The following ATRNL1 variants were observed in gnomAD, a reference collection of about 807,000 sequenced individuals.
ATRNL1 encodes the protein attractin-like protein 1.
Under a neutral mutation model 182.7 loss-of-function variants are expected in ATRNL1, and 95 were observed. The observed-to-expected ratio is 0.52, with a 90% CI of 0.44 to 0.62. ATRNL1 has a LOEUF of 0.62. ATRNL1 is among the 20% of genes least tolerant of loss of function. The pLI is 0.00. For missense variants in ATRNL1, 1,471 were observed against 1,679.5 expected, an observed-to-expected ratio of 0.88 and a Z score of 2.17; for synonymous variants, 576 against 568.3, an observed-to-expected ratio of 1.01 and a Z score of -0.19.
At chr10:115,873,632 C>A in intron 28 of ATRNL1, among the ~76,000 whole-genome samples, 1 of 152,102 alleles carries the variant, frequency 6.6e-6, no homozygotes, top group East Asian at 1.9e-4. Flanking sequence ...ACCCTTTGGG[C>A]CAGAAGGAGA....
rs183434185 is a variant in ATRNL1, at chr10:115,541,010, T to G, written c.3717-8448T>G. Among the ~76,000 whole-genome samples the G allele has an allele frequency of 2.5e-3, 375 of 152,284 alleles. 2 individuals carry two copies. The highest frequency in any genetic ancestry group is 1.9e-3 in the Non-Finnish European group (127 of 68,032). On this transcript the variant is annotated intron_variant, in intron 25 of 28. Coordinates refer to ENST00000355044, the MANE Select transcript of ATRNL1 (RefSeq NM_207303.4). ...AATGTAGGAATTATTCTTCATAACATTAGAATATAGAATGGATTCTTAAAG... is the reference window on the plus strand; with the variant it reads ...AATGTAGGAATTATTCTTCATAACAGTAGAATATAGAATGGATTCTTAAAG...
chr10:115,609,679 A>G (rs1469834940), intron 26 of ATRNL1, among the ~76,000 whole-genome samples: 1 of 152,056 alleles, frequency 6.6e-6, no homozygotes, highest in Non-Finnish European at 1.5e-5. Flanking sequence ...AGTACCTGAA[A>G]ATAGGGAAAT....
intron 28 of ATRNL1, among the ~76,000 whole-genome samples, chr10:115,867,018 T>G (rs2134405320): frequency 6.6e-6 from 1 of 152,336 alleles, no homozygotes; most frequent in Non-Finnish European, 1.5e-5. Flanking sequence ...GATAAAATGC[T>G]AATGAGAAAG....
At chr10:115,766,784 T>C (rs1189621802) in intron 27 of ATRNL1, among the ~76,000 whole-genome samples, 1 of 152,204 alleles carries the variant, frequency 6.6e-6, no homozygotes. Flanking sequence ...CTTCAGACTA[T>C]TATGCATTCA....
chr10:115,381,217 T>A (rs1294499020), intron 19 of ATRNL1, among the ~76,000 whole-genome samples: 1 of 152,052 alleles, frequency 6.6e-6, no homozygotes, highest in Non-Finnish European at 1.5e-5. Flanking sequence ...ATTCAGATAT[T>A]TTTCTGGACT....
At chr10:115,524,927 T>C (rs1851132452) in intron 25 of ATRNL1, among the ~76,000 whole-genome samples, 2 of 152,332 alleles carry the variant, frequency 1.3e-5, no homozygotes, top group African/African-American at 4.8e-5. Context: ...AGTCAAAATG[T>C]CTGCTTATTC....
chr10:115,495,391 T>C (rs2133608329), intron 24 of ATRNL1, among the ~76,000 whole-genome samples: 1 of 152,292 alleles, frequency 6.6e-6, no homozygotes, highest in African/African-American at 2.4e-5. Context: ...GTATATCTAG[T>C]TCCTCTAGGT....
chr10:115,791,539 G>T (rs1210901465), intron 27 of ATRNL1, among the ~76,000 whole-genome samples: 5 of 152,036 alleles, frequency 3.3e-5, no homozygotes, highest in African/African-American at 9.7e-5. Flanking sequence ...ATGTATATTT[G>T]TGAATAATAA....
intron 18 of ATRNL1, among the ~76,000 whole-genome samples, chr10:115,325,297 A>G (rs1054785395): frequency 1.3e-5 from 2 of 152,140 alleles, no homozygotes; most frequent in Admixed American, 1.3e-4. Context: ...TCAAGCAACA[A>G]TGTAAACCTC....
intron 8 of ATRNL1, among the ~76,000 whole-genome samples, chr10:115,193,949 C>T (rs1380631343): frequency 6.6e-6 from 1 of 151,860 alleles, no homozygotes; most frequent in Admixed American, 6.6e-5. Flanking sequence ...TGAATTTCTT[C>T]ATTGACCGAA....
At chr10:115,697,775 T>C (rs1334997340) in intron 26 of ATRNL1, among the ~76,000 whole-genome samples, 1 of 152,226 alleles carries the variant, frequency 6.6e-6, no homozygotes, top group Non-Finnish European at 1.5e-5. Context: ...CCTCTCTTAA[T>C]GCTATGAAAA....
intron 19 of ATRNL1, among the ~76,000 whole-genome samples, chr10:115,336,998 G>A (rs1376904381): frequency 2.7e-5 from 4 of 150,776 alleles, no homozygotes; most frequent in Non-Finnish European, 5.9e-5. Context: ...GGACTACAGG[G>A]GCCCGCCACC....
At chr10:115,806,864 C>G (rs1432516987) in intron 27 of ATRNL1, among the ~76,000 whole-genome samples, 1 of 152,016 alleles carries the variant, frequency 6.6e-6, no homozygotes, top group African/African-American at 2.4e-5. Context: ...ATGCATAGTA[C>G]CTGGTATATA....
chr10:115,724,981 A>T (rs1947548511), intron 26 of ATRNL1, among the ~76,000 whole-genome samples: 2 of 152,054 alleles, frequency 1.3e-5, no homozygotes, highest in Non-Finnish European at 2.9e-5. Context: ...TTCAGCAAGG[A>T]CTCTCTAACT....
At chr10:115,824,655 A>G (rs1490314498) in intron 27 of ATRNL1, among the ~76,000 whole-genome samples, 2 of 152,204 alleles carry the variant, frequency 1.3e-5, no homozygotes, top group Non-Finnish European at 2.9e-5. Flanking sequence ...CCTGCCAACA[A>G]ACATATGAAA....
intron 26 of ATRNL1, among the ~76,000 whole-genome samples, chr10:115,719,210 G>A (rs892587878): frequency 2.6e-5 from 4 of 152,190 alleles, no homozygotes; most frequent in African/African-American, 9.6e-5. Context: ...CCTTAATGGA[G>A]TTTCTTGACA....
At chr10:115,657,606 A>ATGGTTCACAGTGGGGAAAGTATCT (rs1789026385) in intron 26 of ATRNL1, among the ~76,000 whole-genome samples, 1 of 152,186 alleles carries the variant, frequency 6.6e-6, no homozygotes, top group Non-Finnish European at 1.5e-5. Context: ...AGGAGTCACG[A>ATGGTTCACAGTGGGGAAAGTATCT]TGGTTCACAG....
chr10:115,336,330 G>A (rs1855479837), intron 19 of ATRNL1, among the ~76,000 whole-genome samples: 1 of 152,152 alleles, frequency 6.6e-6, no homozygotes, highest in African/African-American at 2.4e-5. Context: ...CAGTAATTAT[G>A]GGCCAAGTGG....
At chr10:115,469,065 T>G in intron 23 of ATRNL1, 107 bp from the exon 24 acceptor site, 1 of 395,370 alleles carries the variant, frequency 2.5e-6, no homozygotes. Context: ...AAACAGTATA[T>G]TTTGATAATT....
Sources: gnomAD v4.1 joint callset for allele counts (sites outside exome capture counted in the v4.1 genomes callset) on GRCh38, gnomAD v4.1.1 for gene constraint, MANE v1.5 for transcripts, NCBI Gene and HGNC (gene_info 2026-07-23, HGNC 2026-07-21) for gene names.